The following NAPG variants were observed in gnomAD, a reference collection of about 807,000 sequenced individuals.
NAPG encodes the protein NSF attachment protein gamma.
A neutral mutation model predicts 48.4 loss-of-function variants in NAPG; 25 were observed. The ratio of observed to expected loss-of-function variants is 0.52; its 90% confidence interval spans 0.38 to 0.72. The LOEUF is 0.72. NAPG is among the 30% of genes least tolerant of loss of function. The pLI, the probability that NAPG is intolerant of heterozygous loss-of-function variation, is 0.00. For missense variants in NAPG, 359 were observed against 372.5 expected (o/e 0.96, Z 0.30); for synonymous variants, 139 against 127.2 (o/e 1.09, Z -0.62).
At chr18:10,533,123 A>G (rs765932126) in intron 3 of NAPG, 1 of 274,302 alleles carries the variant, frequency 3.6e-6, no homozygotes, top group Non-Finnish European at 6.8e-6. Context: ...AAACACGTGA[A>G]CTACTGTATC....
intron 1 of NAPG, among the ~76,000 whole-genome samples, chr18:10,528,929 G>A (rs936496169): frequency 6.6e-6 from 1 of 152,216 alleles, no homozygotes; most frequent in African/African-American, 2.4e-5. Flanking sequence ...ATATTGCTGA[G>A]TAATTTTGTA....
In NAPG at chr18:10,552,560, T is replaced by C. The variant is rs1030107564; in HGVS notation, c.*2340T>C. 2 of 152,246 alleles carry C rather than the reference T, an allele frequency of 1.3e-5. No homozygotes were observed. Among genetic ancestry groups the C allele is most frequent in the African/African-American group, 4.8e-5 (2 of 41,472 alleles). 9.4% of individuals were successfully genotyped at this position (152,246 alleles called of 1,614,324 possible). A position where few individuals can be genotyped will look rare whatever the true frequency, so the allele number is the denominator to read the frequency against. ...TCTAATATTCAATGTTCTGTTACAT[T>C]GTAAGTGAAGTCCAGCTACAAAATA... is the stretch of plus-strand genomic sequence containing the variant. On this transcript the variant is annotated 3_prime_UTR_variant, in exon 12 of 12. Transcript: ENST00000322897.
Position 10,539,858 on chromosome 18 carries a change from G to A in NAPG, c.355G>A (p.Glu119Lys). 6.2e-7 allele frequency: 1 copy of A among 1,613,970 alleles called. No individual in the cohort carries two copies. Among genetic ancestry groups the A allele is most frequent in the Non-Finnish European group, 8.5e-7 (1 of 1,179,882 alleles). ...CCCAGACACAGCAGCCATGGCTTTG[G>A]AGCGAGCTGGAAAGTGAGTGTGAGA... ...GTPDTAAMALERAGKLIENVD... is the reference protein window; with the variant it reads ...GTPDTAAMALKRAGKLIENVD... Residue 119 changes from glutamate to lysine, a missense_variant, in exon 6 of 12, where the codon GAG becomes AAG. Transcript: ENST00000322897. The surrounding 1 kb of genome is among the most constrained non-coding windows in gnomAD (Gnocchi z 4.7).
At chr18:10,536,731 C>CT (rs540070298) in intron 5 of NAPG, among the ~76,000 whole-genome samples, 1 of 152,142 alleles carries the variant, frequency 6.6e-6, no homozygotes, top group Non-Finnish European at 1.5e-5. Flanking sequence ...ATTTTTTGCT[C>CT]TATCTACTGG....
chr18:10,550,069 G>T lies in NAPG; in HGVS notation c.796-8G>T. The T allele has an allele frequency of 6.5e-7, 1 of 1,540,958 alleles. No individual in the cohort carries two copies. Among genetic ancestry groups the T allele is most frequent in the East Asian group, 2.5e-5 (1 of 39,508 alleles). On this transcript the variant is annotated splice_region_variant and splice_polypyrimidine_tract_variant and intron_variant, in intron 11 of 11. Transcript: ENST00000322897. Reference sequence around the variant, plus strand: ...CCAGCTTTTAAGAACATGTTCTGTTGTTGACAGTATGCTAAGCTGGGCCTG... The same window carrying T: ...CCAGCTTTTAAGAACATGTTCTGTTTTTGACAGTATGCTAAGCTGGGCCTG...
chr18:10,536,949 A>G (rs1253064432), intron 5 of NAPG, among the ~76,000 whole-genome samples: 2 of 149,306 alleles, frequency 1.3e-5, no homozygotes, highest in African/African-American at 2.5e-5. Flanking sequence ...AACTTTACTA[A>G]TAGCCTGTTT....
At position 10,543,413 on chromosome 18, in the gene NAPG, A is replaced by G. The variant is rs1309075303; in HGVS notation, c.507-2913A>G. Among the ~76,000 whole-genome samples the G allele has an allele frequency of 6.6e-6, 1 of 152,246 alleles. No homozygotes were observed. The highest frequency in any genetic ancestry group is 1.5e-5 in the Non-Finnish European group (1 of 68,036). On this transcript the variant is annotated intron_variant, in intron 8 of 11. Transcript: ENST00000322897. The surrounding 1 kb of genome is among the most constrained non-coding windows in gnomAD (Gnocchi z 4.4). ...GAGAATCACTGGGTTTCTGTCTTGC[A>G]TAACTGTTCTGTCCATGGTGCCATC...
In NAPG at chr18:10,546,400, A is replaced by G. The variant is rs369948664; in HGVS notation, c.581A>G (p.Tyr194Cys). ...GAAATTGAGAATTATCCAACTTGTT[A>G]TAAGGTATTCTTTGAAAGTGTTTGT... is the stretch of plus-strand genomic sequence containing the variant. ...YKEIENYPTCYKKTIAQVLVH... is the reference protein window; with the variant it reads ...YKEIENYPTCCKKTIAQVLVH... Residue 194 changes from tyrosine to cysteine, a missense_variant, in exon 9 of 12, where the codon TAT becomes TGT. By Grantham distance (194) the Tyr-to-Cys change is radical. Coordinates refer to ENST00000322897, the MANE Select transcript of NAPG (RefSeq NM_003826.3). The surrounding 1 kb of genome is among the most constrained non-coding windows in gnomAD (Gnocchi z 4.0). 1 of 1,525,166 alleles carries G rather than the reference A, an allele frequency of 6.6e-7. No homozygotes were observed. Among genetic ancestry groups the G allele is most frequent in the South Asian group, 1.2e-5 (1 of 83,400 alleles). 94.5% of individuals were successfully genotyped at this position (1,525,166 alleles called of 1,614,324 possible). A position where few individuals can be genotyped will look rare whatever the true frequency, so the allele number is the denominator to read the frequency against.
At chr18:10,526,841 C>A (rs1319168755) in intron 1 of NAPG, 2 of 152,282 alleles carry the variant, frequency 1.3e-5, no homozygotes, top group African/African-American at 2.4e-5. Flanking sequence ...GCAGCCTCTT[C>A]CCCCCGTTTC....
intron 1 of NAPG, among the ~76,000 whole-genome samples, chr18:10,530,133 T>C (rs937909626): frequency 1.1e-4 from 16 of 152,028 alleles, no homozygotes. Flanking sequence ...TCTTGGCTTT[T>C]GTAATATCCT....
chr18:10,532,861 G>T, intron 3 of NAPG, 66 bp downstream of exon 3: 1 of 1,344,064 alleles, frequency 7.4e-7, no homozygotes, highest in South Asian at 1.4e-5. Flanking sequence ...GTTTTCTCTT[G>T]CTGTAAATTT....
rs747068319 is a variant in NAPG at position 10,549,089 on chromosome 18, A to G, written c.788A>G (p.Asp263Gly). ...AACTCACCGCTTTTCAAGTACATGG[A>G]CAATGATGTAAGTGGACCCATTTGC... ...VCNSPLFKYM[D>G]NDYAKLGLSL... The change falls in exon 11 of 12, where the codon GAC (aspartate) becomes GGC (glycine). Residue 263 changes from aspartate to glycine, a missense_variant. Physicochemically the swap from Asp to Gly is moderately conservative, Grantham distance 94. Transcript: ENST00000322897. The G allele has an allele frequency of 1.9e-6, 3 of 1,613,494 alleles. No individual in the cohort carries two copies. Among genetic ancestry groups the G allele is most frequent in the Non-Finnish European group, 1.7e-6 (2 of 1,179,568 alleles).
intron 1 of NAPG, among the ~76,000 whole-genome samples, chr18:10,527,546 C>G (rs2031844124): frequency 6.6e-6 from 1 of 152,064 alleles, no homozygotes; most frequent in Non-Finnish European, 1.5e-5. Flanking sequence ...GGAATAGGGA[C>G]CACAAAAAAG....
In NAPG at chr18:10,548,326, C is replaced by T; in HGVS notation, c.613C>T (p.Leu205=). 6.2e-7 allele frequency: 1 copy of T among 1,613,638 alleles called. No homozygotes were observed. Among genetic ancestry groups the T allele is most frequent in the Non-Finnish European group, 8.5e-7 (1 of 1,179,602 alleles). ...AACAATTGCTCAAGTCTTAGTTCAT[C>T]TACACAGAAATGACTATGTAGCTGC... is the stretch of plus-strand genomic sequence containing the variant. ...KKTIAQVLVH[L]HRNDYVAAER... Residue 205 remains leucine (L), a synonymous_variant, in exon 10 of 12, where the codon CTA becomes TTA. Transcript: ENST00000322897. This position sits in a 1 kb window ranked among gnomAD's most constrained non-coding sequence, Gnocchi z 4.4.
rs1305724581 is a variant in NAPG at position 10,530,808 on chromosome 18, A to C, written c.95A>C (p.Asp32Ala). ...TTTTTAAAATGGAAGCCAGATTATG[A>C]CAGTGCCGCTTCTGAATATGGAAAA... ...TGFLKWKPDY[D>A]SAASEYGKAA... is the part of the protein sequence containing the mutation. The change falls in exon 2 of 12, where the codon GAC becomes GCC. Residue 32 changes from aspartate to alanine, a missense_variant. Asp to Ala is a moderately radical substitution (Grantham distance 126). Coordinates refer to ENST00000322897, the MANE Select transcript of NAPG (RefSeq NM_003826.3). The C allele has an allele frequency of 6.3e-7, 1 of 1,587,616 alleles. No homozygotes were observed. Among genetic ancestry groups the C allele is most frequent in the African/African-American group, 1.4e-5 (1 of 73,790 alleles).
At chr18:10,533,796 A>C (rs1328507699) in intron 4 of NAPG, among the ~76,000 whole-genome samples, 1 of 126,566 alleles carries the variant, frequency 7.9e-6, no homozygotes, top group Non-Finnish European at 1.7e-5. Flanking sequence ...TCAGTAGCCT[A>C]TGGGAAAAAA....
chr18:10,531,667 A>T (rs2031931113), intron 2 of NAPG, among the ~76,000 whole-genome samples: 1 of 152,338 alleles, frequency 6.6e-6, no homozygotes, highest in African/African-American at 2.4e-5. Flanking sequence ...ATACTTGAAA[A>T]TTATTAAAAG....
chr18:10,544,984 G>A lies in NAPG; in HGVS notation c.507-1342G>A, dbSNP rs1448219847. 6.6e-6 allele frequency among the ~76,000 whole-genome samples: 1 copy of A among 152,164 alleles called. No individual in the cohort carries two copies. The highest frequency in any genetic ancestry group is 6.5e-5 in the Admixed American group (1 of 15,286). On this transcript the variant is annotated intron_variant, in intron 8 of 11. Coordinates refer to ENST00000322897, the MANE Select transcript of NAPG (RefSeq NM_003826.3). This position sits in a 1 kb window ranked among gnomAD's most constrained non-coding sequence, Gnocchi z 5.1. ...AAGCCACTGTGTGTGTGGTGTGTGT[G>A]TGTGTCTGTGTATACATGCCACTAT...
chr18:10,538,204 A>C (rs2032074612), intron 5 of NAPG, among the ~76,000 whole-genome samples: 1 of 152,122 alleles, frequency 6.6e-6, no homozygotes, highest in Admixed American at 6.5e-5. Flanking sequence ...GAGGGTTGCA[A>C]ACTCAGATGA....
Sources: gnomAD v4.1 joint callset for allele counts (sites outside exome capture counted in the v4.1 genomes callset) on GRCh38, gnomAD v4.1.1 for gene constraint, Gnocchi (gnomAD v3.1) non-coding constraint, MANE v1.5 for transcripts, NCBI Gene and HGNC (gene_info 2026-07-23, HGNC 2026-07-21) for gene names.